NEBL: variants seen among roughly 807,000 people sequenced by gnomAD.
The protein encoded by NEBL is LIM and SH3 protein 2.
NEBL carries 122 observed loss-of-function variants against 140.2 expected under a neutral mutation model. The ratio of observed to expected loss-of-function variants is 0.87; its 90% confidence interval spans 0.75 to 1.01. NEBL has a LOEUF of 1.01. Ranked by LOEUF, NEBL falls within the 50% of genes least tolerant of loss-of-function variation. The probability of loss-of-function intolerance (pLI) is 0.00; values close to 1 mark genes in which losing one functional copy is unlikely to be tolerated. For synonymous variants in NEBL, 436 were observed against 398.9 expected (o/e 1.09, Z -1.11); for missense variants, 1,365 against 1,231.3 (o/e 1.11, Z -1.62).
chr10:21,289,189 C>T (rs769929188), intron 1 of NEBL, among the ~76,000 whole-genome samples: 5 of 151,938 alleles, frequency 3.3e-5, no homozygotes, highest in African/African-American at 4.8e-5. Flanking sequence ...GACTTAAGCC[C>T]GGTTGTTCCC....
rs1384324742 is a variant in NEBL, at chr10:21,012,984, C to T, written c.249+7133G>A. 2.6e-5 allele frequency among the ~76,000 whole-genome samples: 4 copies of T among 152,200 alleles called. No homozygotes were observed. The East Asian group carries it at 5.8e-4, about 22-fold the overall frequency. ...TCCCTGTGATTAAAGGGTCGAAAAC[C>T]TAGCAGTGCACAAAAATCAAAACAT... On this transcript the variant is annotated intron_variant, in intron 3 of 6. Transcript: ENST00000417816.
chr10:20,915,190 A>G (rs956954715), intron 4 of NEBL, among the ~76,000 whole-genome samples: 6 of 152,114 alleles, frequency 3.9e-5, no homozygotes, highest in Non-Finnish European at 7.4e-5. Context: ...CACTGTAATA[A>G]CACTTCACCA....
intron 2 of NEBL, among the ~76,000 whole-genome samples, chr10:21,250,822 G>A (rs1321438293): frequency 6.6e-6 from 1 of 152,108 alleles, no homozygotes; most frequent in Non-Finnish European, 1.5e-5. Flanking sequence ...GAACCCAGAA[G>A]GAGGAGGTTG....
At chr10:21,061,620 G>A (rs1359391146) in intron 2 of NEBL, among the ~76,000 whole-genome samples, 2 of 150,796 alleles carry the variant, frequency 1.3e-5, no homozygotes, top group Non-Finnish European at 3.0e-5. Flanking sequence ...GTTGGGATGA[G>A]CACAACTGTA....
chr10:20,938,353 C>T (rs1834630998), intron 4 of NEBL, among the ~76,000 whole-genome samples: 1 of 152,210 alleles, frequency 6.6e-6, no homozygotes, highest in African/African-American at 2.4e-5. Context: ...CTCCAGTAAA[C>T]TCCAACAGAC....
intron 2 of NEBL, among the ~76,000 whole-genome samples, chr10:21,108,149 G>A (rs893568209): frequency 8.6e-5 from 13 of 152,036 alleles, no homozygotes; most frequent in Non-Finnish European, 1.9e-4. Context: ...GGGTTTTTAT[G>A]TCTCTATCTC....
chr10:21,220,066 C>T (rs1176772023), intron 3 of NEBL, among the ~76,000 whole-genome samples: 1 of 152,090 alleles, frequency 6.6e-6, no homozygotes, highest in Non-Finnish European at 1.5e-5. Context: ...GCACCCACCA[C>T]CATGCCTGGC....
At chr10:21,184,001 G>A (rs1406536418) in intron 3 of NEBL, among the ~76,000 whole-genome samples, 2 of 152,108 alleles carry the variant, frequency 1.3e-5, no homozygotes, top group African/African-American at 4.8e-5. Context: ...CACCATGATT[G>A]TGAGGCCTCC....
chr10:20,882,138 T>G (rs1226474515), intron 4 of NEBL, among the ~76,000 whole-genome samples: 4 of 150,036 alleles, frequency 2.7e-5, no homozygotes, highest in Non-Finnish European at 4.4e-5. Context: ...CGGCATTCTA[T>G]CCTGGGTGAT....
chr10:20,954,733 T>G (rs1835698542), intron 4 of NEBL, among the ~76,000 whole-genome samples: 1 of 152,132 alleles, frequency 6.6e-6, no homozygotes, highest in Admixed American at 6.5e-5. Context: ...CCGCCCCCTC[T>G]GCAAACAGCA....
intron 2 of NEBL, chr10:21,248,033 C>G (rs919722133): frequency 8.7e-6 from 2 of 231,030 alleles, no homozygotes; most frequent in Non-Finnish European, 2.0e-5. Context: ...AAAACCATCC[C>G]AAGAAACTTC....
chr10:20,850,188 A>G (rs556041238), intron 11 of NEBL, among the ~76,000 whole-genome samples: 1 of 152,306 alleles, frequency 6.6e-6, no homozygotes, highest in African/African-American at 2.4e-5. Context: ...TTGAGATCCA[A>G]TTCACCAATG....
intron 2 of NEBL, among the ~76,000 whole-genome samples, chr10:21,166,718 A>C (rs1840794405): frequency 6.6e-6 from 1 of 152,240 alleles, no homozygotes; most frequent in Non-Finnish European, 1.5e-5. Flanking sequence ...AGACTTGCTC[A>C]GTAGGCCAGG....
intron 2 of NEBL, among the ~76,000 whole-genome samples, chr10:21,126,362 C>T (rs1447308806): frequency 6.6e-6 from 1 of 152,100 alleles, no homozygotes; most frequent in Non-Finnish European, 1.5e-5. Flanking sequence ...GTGGACCCCT[C>T]TCAAGCCAGT....
At chr10:20,908,054 C>T (rs573374297) in intron 4 of NEBL, among the ~76,000 whole-genome samples, 2 of 152,284 alleles carry the variant, frequency 1.3e-5, no homozygotes, top group East Asian at 3.9e-4. Context: ...CTCCACTGAC[C>T]TATACCAGGT....
intron 2 of NEBL, chr10:21,126,068 C>T: frequency 1.2e-6 from 2 of 1,614,142 alleles, no homozygotes; most frequent in Non-Finnish European, 1.7e-6. Flanking sequence ...GTCTCCCCAA[C>T]CAGCTTCCTG....
At chr10:21,072,751 G>A (rs1159866939) in intron 2 of NEBL, among the ~76,000 whole-genome samples, 1 of 152,198 alleles carries the variant, frequency 6.6e-6, no homozygotes, top group Non-Finnish European at 1.5e-5. Flanking sequence ...AGTACTTTGG[G>A]AGGCTGAGGC....
intron 1 of NEBL, among the ~76,000 whole-genome samples, chr10:21,280,619 CTTTTTTT>C (rs554320752): frequency 1.0e-5 from 1 of 98,134 alleles, no homozygotes; most frequent in Admixed American, 1.4e-4. Context: ...TTTCTTTTTC[CTTTTTTT>C]TTTTTTTTTT....
intron 26 of NEBL, among the ~76,000 whole-genome samples, chr10:20,792,059 A>C (rs1461637093): frequency 6.6e-6 from 1 of 151,964 alleles, no homozygotes; most frequent in Non-Finnish European, 1.5e-5. Context: ...ATCAAAGAAA[A>C]GGTGAAGGTT....
Sources: allele counts gnomAD v4.1 joint callset (sites outside exome capture counted in the v4.1 genomes callset), GRCh38; gene constraint gnomAD v4.1.1; transcripts MANE v1.5; gene names NCBI Gene and HGNC (gene_info 2026-07-23, HGNC 2026-07-21).